Variants in RPS6KA5 observed in about 807,000 individuals in gnomAD.
RPS6KA5 encodes the protein ribosomal protein S6 kinase alpha-5.
In RPS6KA5, 27 loss-of-function variants were observed where a neutral mutation model predicts 85.5. The ratio of observed to expected loss-of-function variants is 0.32; its 90% CI spans 0.23 to 0.44. RPS6KA5 has a LOEUF of 0.44. Among genes scored for constraint, RPS6KA5 ranks in the 20% least tolerant of loss-of-function variants. The probability of loss-of-function intolerance (pLI) is 1.00; values close to 1 mark genes in which losing one functional copy is unlikely to be tolerated. For missense variants in RPS6KA5, 811 were observed against 980.9 expected, an observed-to-expected ratio of 0.83 and a Z score of 2.31; for synonymous variants, 334 against 348.2, an observed-to-expected ratio of 0.96 and a Z score of 0.46.
At chr14:90,951,926 G>A (rs1303472392) in intron 3 of RPS6KA5, among the ~76,000 whole-genome samples, 1 of 152,004 alleles carries the variant, frequency 6.6e-6, no homozygotes, top group Non-Finnish European at 1.5e-5. Context: ...CCTCACATCC[G>A]TGATTCTGAC....
At chr14:90,996,140 T>G (rs1351863764) in intron 2 of RPS6KA5, among the ~76,000 whole-genome samples, 1 of 151,894 alleles carries the variant, frequency 6.6e-6, no homozygotes, top group African/African-American at 2.4e-5. Flanking sequence ...GCATCCCTAG[T>G]AGCTGGGACT....
chr14:91,029,812 A>G (rs2042115832), intron 1 of RPS6KA5, among the ~76,000 whole-genome samples: 1 of 152,224 alleles, frequency 6.6e-6, no homozygotes, highest in African/African-American at 2.4e-5. Context: ...ATTATACAAT[A>G]TATGTACATT....
At chr14:91,060,208 G>T in intron 1 of RPS6KA5, 124 bp downstream of exon 1, 1 of 898,596 alleles carries the variant, frequency 1.1e-6, no homozygotes, top group Non-Finnish European at 1.3e-6. Flanking sequence ...GCGACGCCCC[G>T]CCCCAGGCCC....
intron 2 of RPS6KA5, among the ~76,000 whole-genome samples, chr14:90,986,869 G>A (rs2040076810): frequency 6.6e-6 from 1 of 152,226 alleles, no homozygotes; most frequent in African/African-American, 2.4e-5. Flanking sequence ...CCACATGCCT[G>A]TTTAGGCTAG....
intron 2 of RPS6KA5, among the ~76,000 whole-genome samples, chr14:90,990,209 T>C (rs1402287439): frequency 6.6e-6 from 1 of 152,084 alleles, no homozygotes; most frequent in Admixed American, 6.5e-5. Flanking sequence ...CATTAAAAAA[T>C]GGGCAAAGGA....
At chr14:91,018,134 A>T (rs1286020588) in intron 1 of RPS6KA5, among the ~76,000 whole-genome samples, 4 of 152,184 alleles carry the variant, frequency 2.6e-5, no homozygotes, top group Admixed American at 2.0e-4. Flanking sequence ...AAAACCACAA[A>T]CATCTCAGGT....
chr14:90,880,682 C>T (rs1162713255), intron 14 of RPS6KA5, among the ~76,000 whole-genome samples: 2 of 152,158 alleles, frequency 1.3e-5, no homozygotes, highest in Non-Finnish European at 2.9e-5. Flanking sequence ...GGACTGTCTA[C>T]TTCTCCCTTC....
intron 2 of RPS6KA5, among the ~76,000 whole-genome samples, chr14:90,997,577 C>T (rs1293879469): frequency 1.3e-5 from 2 of 152,148 alleles, no homozygotes; most frequent in Non-Finnish European, 2.9e-5. Flanking sequence ...TGGGGAGTCT[C>T]ACTATTTTGC....
intron 7 of RPS6KA5, among the ~76,000 whole-genome samples, chr14:90,917,741 T>TTTTA (rs1555362227): frequency 5.3e-5 from 8 of 151,862 alleles, no homozygotes; most frequent in Non-Finnish European, 7.4e-5. Context: ...TCCTTTTTTT[T>TTTTA]AAAAGAGATA....
At chr14:90,988,284 C>G (rs1430915185) in intron 2 of RPS6KA5, among the ~76,000 whole-genome samples, 1 of 152,230 alleles carries the variant, frequency 6.6e-6, no homozygotes, top group Non-Finnish European at 1.5e-5. Context: ...TAAAGCTAAG[C>G]TGAAAGCTTG....
intron 1 of RPS6KA5, among the ~76,000 whole-genome samples, chr14:91,014,417 G>A (rs1003485949): frequency 1.7e-4 from 26 of 150,366 alleles, no homozygotes; most frequent in Admixed American, 5.3e-4. Flanking sequence ...CAGGAGAATC[G>A]CTTGAACCCG....
intron 1 of RPS6KA5, among the ~76,000 whole-genome samples, chr14:91,015,576 C>A (rs932212184): frequency 1.3e-5 from 2 of 152,142 alleles, no homozygotes; most frequent in Non-Finnish European, 2.9e-5. Flanking sequence ...TAAGTCATAA[C>A]CTCATTTTTC....
At chr14:90,917,754 G>T (rs901644466) in intron 7 of RPS6KA5, among the ~76,000 whole-genome samples, 1 of 151,176 alleles carries the variant, frequency 6.6e-6, no homozygotes, top group African/African-American at 2.4e-5. Context: ...AAGAGATAGG[G>T]TCTTGCTACA....
chr14:90,949,229 A>G (rs1687790275), intron 3 of RPS6KA5, among the ~76,000 whole-genome samples: 1 of 152,236 alleles, frequency 6.6e-6, no homozygotes, highest in African/African-American at 2.4e-5. Context: ...TAGTCATGAC[A>G]CAGAAAGAAG....
intron 5 of RPS6KA5, among the ~76,000 whole-genome samples, chr14:90,939,770 G>GA (rs2140344771): frequency 6.6e-6 from 1 of 152,220 alleles, no homozygotes. Context: ...CAACATGTGG[G>GA]AATTCAAGAT....
intron 13 of RPS6KA5, 102 bp from the exon 14 acceptor site, chr14:90,890,780 G>A: frequency 9.2e-7 from 1 of 1,084,162 alleles, no homozygotes; most frequent in Admixed American, 2.2e-5. Flanking sequence ...TGATTCATGT[G>A]CAGAGAGGTC....
chr14:90,873,119 G>T (rs1409278052), intron 16 of RPS6KA5, among the ~76,000 whole-genome samples: 2 of 152,086 alleles, frequency 1.3e-5, no homozygotes, highest in East Asian at 1.9e-4. Context: ...TACTTCACAT[G>T]AATTATCTTA....
intron 3 of RPS6KA5, among the ~76,000 whole-genome samples, chr14:90,961,575 T>G (rs1389198194): frequency 6.6e-6 from 1 of 152,222 alleles, no homozygotes; most frequent in Non-Finnish European, 1.5e-5. Flanking sequence ...TATATAATTT[T>G]GCAGTCTTAC....
At chr14:90,936,408 A>G (rs1183470122) in intron 5 of RPS6KA5, among the ~76,000 whole-genome samples, 4 of 152,170 alleles carry the variant, frequency 2.6e-5, no homozygotes, top group Non-Finnish European at 4.4e-5. Context: ...TGCAAAAAAT[A>G]CAAAAATTAG....
Sources: allele counts gnomAD v4.1 joint callset (sites outside exome capture counted in the v4.1 genomes callset), GRCh38; gene constraint gnomAD v4.1.1; transcripts MANE v1.5; gene names NCBI Gene and HGNC (gene_info 2026-07-23, HGNC 2026-07-21).